The following STATH variants were observed in gnomAD, a reference collection of about 807,000 sequenced individuals.
STATH encodes the protein statherin.
In STATH, 11 loss-of-function variants were observed where a neutral mutation model predicts 13.3. The observed-to-expected ratio is 0.83, with a 90% CI of 0.52 to 1.37. The LOEUF (loss-of-function observed/expected upper bound fraction) is 1.37. Among genes scored for constraint, STATH ranks in the 40% most tolerant of loss-of-function variants. The pLI is 0.00. For synonymous variants in STATH, 25 were observed against 23.6 expected, an observed-to-expected ratio of 1.06 and a Z score of -0.17; for missense variants, 78 against 73.3, an observed-to-expected ratio of 1.06 and a Z score of -0.24.
At chr4:70,001,105 T>A (rs377327883) in intron 5 of STATH, 123 bp downstream of exon 5, 21 of 637,618 alleles carry the variant, frequency 3.3e-5, no homozygotes, top group African/African-American at 2.8e-4. Flanking sequence ...GCCAGCTGTA[T>A]AGCTCCTTGA....
At chr4:69,996,347 T>A (rs1263533096) in intron 1 of STATH, among the ~76,000 whole-genome samples, 9 of 152,196 alleles carry the variant, frequency 5.9e-5, no homozygotes, top group African/African-American at 2.2e-4. Flanking sequence ...CTTACTACTT[T>A]TACCTTTATT....
intron 4 of STATH, 24 bp from the exon 5 acceptor site, chr4:70,000,839 T>C (rs867079559): frequency 1.3e-6 from 2 of 1,590,128 alleles, no homozygotes; most frequent in Non-Finnish European, 1.7e-6. Flanking sequence ...TTCTGCAATT[T>C]TCTTTCTCCT....
intron 2 of STATH, 84 bp from the exon 3 acceptor site, chr4:69,999,578 ACAACT>A: frequency 7.5e-7 from 1 of 1,334,142 alleles, no homozygotes; most frequent in Non-Finnish European, 1.1e-6. Flanking sequence ...CTGTTTACTC[ACAACT>A]GTAGCTGCTG....
At chr4:69,999,830 C>A in intron 4 of STATH, 21 bp downstream of exon 4, 1 of 1,610,220 alleles carries the variant, frequency 6.2e-7, no homozygotes, top group East Asian at 2.2e-5. Flanking sequence ...TCTGATAATG[C>A]TGTGTAGTCC....
In STATH at chr4:69,998,244, C is replaced by G. The variant is rs2201079; in HGVS notation, c.-15-179C>G. ...TAGCATTTCCATATCAATACACTCA[C>G]TTTTACTTATCAGTGTCTCCAACAA... On this transcript the variant is annotated intron_variant, in intron 1 of 5. Transcript: ENST00000246895. The G allele has an allele frequency of 5.6e-3, 3,135 of 561,928 alleles. 85 individuals are homozygous for G. Among genetic ancestry groups the G allele is most frequent in the African/African-American group, 0.055 (2,908 of 53,256 alleles). The allele number at this position is 561,928 out of a possible 1,614,324, so 34.8% of individuals were successfully genotyped here.
chr4:69,998,531 A>G (rs1724568420), intron 2 of STATH, 43 bp downstream of exon 2: 1 of 1,522,964 alleles, frequency 6.6e-7, no homozygotes, highest in Admixed American at 1.7e-5. Flanking sequence ...CTCAGTACCT[A>G]TCCCAAGAGT....
chr4:69,997,520 A>T (rs1227578224), intron 1 of STATH, among the ~76,000 whole-genome samples: 1 of 152,160 alleles, frequency 6.6e-6, no homozygotes, highest in African/African-American at 2.4e-5. Flanking sequence ...TGTGGCAATT[A>T]TGTGTTTCAC....
chr4:69,997,019 C>A (rs904425223), intron 1 of STATH, among the ~76,000 whole-genome samples: 3 of 151,050 alleles, frequency 2.0e-5, no homozygotes, highest in Non-Finnish European at 4.4e-5. Flanking sequence ...CTCACCGCAA[C>A]CTCCACCTCC....
chr4:70,000,978 T>C lies in STATH; in HGVS notation c.*29T>C, dbSNP rs760002552. Reference sequence around the variant, plus strand: ...CATCAGTAACTGCAGGACATGATTATTGAGGTAAGATGGGTTTAGTGACAT... The same window carrying C: ...CATCAGTAACTGCAGGACATGATTACTGAGGTAAGATGGGTTTAGTGACAT... On this transcript the variant is annotated 3_prime_UTR_variant, in exon 5 of 6. Transcript: ENST00000246895. 4 of 1,589,722 alleles carry C rather than the reference T, an allele frequency of 2.5e-6. No homozygotes were observed. The highest frequency in any genetic ancestry group is 1.1e-5 in the South Asian group (1 of 90,594).
At chr4:69,996,543 C>G (rs1724508565) in intron 1 of STATH, among the ~76,000 whole-genome samples, 1 of 152,018 alleles carries the variant, frequency 6.6e-6, no homozygotes, top group African/African-American at 2.4e-5. Context: ...TGTTGTATAA[C>G]AGTCATGCTT....
chr4:70,002,488 T>C lies in STATH; in HGVS notation c.*333T>C, dbSNP rs1231943104. 1.3e-5 allele frequency: 2 copies of C among 151,804 alleles called. No individual in the cohort carries two copies. The highest frequency in any genetic ancestry group is 4.8e-5 in the African/African-American group (2 of 41,406). 9.4% of individuals were successfully genotyped at this position (151,804 alleles called of 1,614,324 possible). ...TCCTTATTTTTCTCTTTTCTATTTA[T>C]AGGAATAATGATTTCTTTCATCATC... On this transcript the variant is annotated 3_prime_UTR_variant, in exon 6 of 6. Transcript: ENST00000246895.
At chr4:69,998,718 TAAAAG>T (rs896910337) in intron 2 of STATH, 4 of 345,350 alleles carry the variant, frequency 1.2e-5, no homozygotes, top group Non-Finnish European at 2.1e-5. Context: ...TAGTGTGAAA[TAAAAG>T]AAAGTTTTAC....
intron 5 of STATH, among the ~76,000 whole-genome samples, chr4:70,001,786 C>T (rs1318531597): frequency 6.6e-6 from 1 of 151,654 alleles, no homozygotes; most frequent in African/African-American, 2.4e-5. Flanking sequence ...TATTCCAATT[C>T]AATTCTCTAT....
chr4:69,998,797 G>A (rs151073882), intron 2 of STATH: 2 of 196,906 alleles, frequency 1.0e-5, no homozygotes, highest in Admixed American at 5.9e-5. Flanking sequence ...TAATGCTCTA[G>A]ACAATCTGAA....
rs146751422 is a variant in STATH at position 69,998,391 on chromosome 4, A to G, written c.-15-32A>G. On this transcript the variant is annotated intron_variant, in intron 1 of 5. Coordinates refer to ENST00000246895, the MANE Select transcript of STATH (RefSeq NM_003154.3). ...TTTTGATGGGCGAATGCAAGAAAAAATGTGATACTGAATTTCCACATATGT... is the reference window on the plus strand; with the variant it reads ...TTTTGATGGGCGAATGCAAGAAAAAGTGTGATACTGAATTTCCACATATGT... 2.6e-4 allele frequency: 402 copies of G among 1,569,742 alleles called. No homozygotes were observed. In the African/African-American group the frequency reaches 4.2e-3, roughly 16 times the overall value.
intron 1 of STATH, among the ~76,000 whole-genome samples, chr4:69,997,979 A>T (rs930742955): frequency 6.6e-6 from 1 of 152,032 alleles, no homozygotes; most frequent in African/African-American, 2.4e-5. Flanking sequence ...TATCTTCCCT[A>T]CATTTTGAAC....
Position 69,999,770 on chromosome 4 carries a change from T to C in STATH, c.73-10T>C. The C allele has an allele frequency of 6.2e-7, 1 of 1,612,096 alleles. No homozygotes were observed. On this transcript the variant is annotated splice_polypyrimidine_tract_variant and intron_variant, in intron 3 of 5. Transcript: ENST00000246895. Reference sequence around the variant, plus strand: ...TATTGAATTATTAAACTTTTCTTCATTTTTCACAGAAATTTTTGCGTAGAA... The same window carrying C: ...TATTGAATTATTAAACTTTTCTTCACTTTTCACAGAAATTTTTGCGTAGAA...
rs778986758 is a variant in STATH at position 69,998,471 on chromosome 4, C to G, written c.34C>G (p.Leu12Val). The change falls in exon 2 of 6, where the codon CTC becomes GTC. Residue 12 changes from leucine to valine, a missense_variant. Coordinates refer to ENST00000246895, the MANE Select transcript of STATH (RefSeq NM_003154.3). ...KFLVFAFILA[L>V]MVSMIGADSS... The stretch of plus-strand genomic sequence containing the variant: ...CCTTGTCTTTGCCTTCATCTTGGCT[C>G]TCATGGTTTCCATGATTGTAAGTAT... 1.3e-5 allele frequency: 21 copies of G among 1,612,424 alleles called. No homozygotes were observed. Among genetic ancestry groups the G allele is most frequent in the South Asian group, 8.8e-5 (8 of 90,968 alleles).
At chr4:69,998,696 G>A (rs749404375) in intron 2 of STATH, 16 of 393,896 alleles carry the variant, frequency 4.1e-5, no homozygotes, top group Non-Finnish European at 6.3e-5. Flanking sequence ...AGACACTAAA[G>A]TATATTTAGC....
Sources: allele counts gnomAD v4.1 joint callset (sites outside exome capture counted in the v4.1 genomes callset), GRCh38; gene constraint gnomAD v4.1.1; transcripts MANE v1.5; gene names NCBI Gene and HGNC (gene_info 2026-07-23, HGNC 2026-07-21).